POLR3F: variants seen among roughly 807,000 people sequenced by gnomAD.
POLR3F encodes the protein RNA polymerase III subunit F, also known as DNA-directed RNA polymerase III subunit RPC6.
In POLR3F, 31 loss-of-function variants were observed where a neutral mutation model predicts 43.6. That is an observed-to-expected ratio of 0.71 (90% CI 0.53 to 0.96). POLR3F has a LOEUF of 0.96. Among genes scored for constraint, POLR3F ranks in the 40% least tolerant of loss-of-function variants. The pLI is 0.00. For synonymous variants in POLR3F, 114 were observed against 132.5 expected (o/e 0.86, Z 0.96); for missense variants, 316 against 391.7 (o/e 0.81, Z 1.63).
intron 2 of POLR3F, among the ~76,000 whole-genome samples, chr20:18,469,865 C>G (rs1297626147): frequency 6.6e-6 from 1 of 152,164 alleles, no homozygotes; most frequent in Non-Finnish European, 1.5e-5. Flanking sequence ...TTCCACCCCC[C>G]GATTTTCCTA....
chr20:18,475,771 A>G (rs925239096), intron 5 of POLR3F, among the ~76,000 whole-genome samples: 7 of 152,206 alleles, frequency 4.6e-5, no homozygotes, highest in Non-Finnish European at 1.0e-4. Flanking sequence ...TATAATTCAA[A>G]TTTTATAATT....
intron 3 of POLR3F, 150 bp from the exon 4 acceptor site, chr20:18,473,241 G>A (rs1692743697): frequency 6.4e-6 from 3 of 469,112 alleles, no homozygotes; most frequent in Non-Finnish European, 1.2e-5. Context: ...GGTACACACA[G>A]CTCTGTCTCA....
At position 18,475,064 on chromosome 20, in the gene POLR3F, C is replaced by T. The variant is rs777248612; in HGVS notation, c.317-11C>T. ...CCAGAGTTCAACTTATTTTACTTTACTTTCTTATAGGAATATGGAGCAGAG... is the reference window on the plus strand; with the variant it reads ...CCAGAGTTCAACTTATTTTACTTTATTTTCTTATAGGAATATGGAGCAGAG... On this transcript the variant is annotated splice_polypyrimidine_tract_variant and intron_variant, in intron 4 of 8. Transcript: ENST00000377603. The T allele has an allele frequency of 8.9e-7, 1 of 1,125,356 alleles. No individual in the cohort carries two copies. The highest frequency in any genetic ancestry group is 1.3e-6 in the Non-Finnish European group (1 of 754,604). The allele number at this position is 1,125,356 out of a possible 1,614,324, so 69.7% of individuals were successfully genotyped here. A position where few individuals can be genotyped will look rare whatever the true frequency, so the allele number is the denominator to read the frequency against.
At chr20:18,482,015 T>C (rs2059813294) in intron 8 of POLR3F, among the ~76,000 whole-genome samples, 1 of 134,352 alleles carries the variant, frequency 7.4e-6, no homozygotes, top group Non-Finnish European at 1.5e-5. Flanking sequence ...TGAGACGGAG[T>C]CTCACTCTAT....
chr20:18,475,885 AT>A (rs1432177268), intron 5 of POLR3F, among the ~76,000 whole-genome samples: 5 of 152,364 alleles, frequency 3.3e-5, no homozygotes, highest in Admixed American at 1.3e-4. Flanking sequence ...AATTATAAGA[AT>A]TATAACATCA....
At chr20:18,470,057 G>A (rs1306808146) in intron 2 of POLR3F, among the ~76,000 whole-genome samples, 1 of 152,218 alleles carries the variant, frequency 6.6e-6, no homozygotes, top group Non-Finnish European at 1.5e-5. Context: ...CATCTGTCCA[G>A]AAACAAACAA....
chr20:18,483,919 T>A lies in POLR3F; in HGVS notation c.*361T>A, dbSNP rs1223667783. ...GGCTAGAGTATAAAAATGTTCTTTTTAAAGTTATTTATTAAGTTCTTCATT... is the reference window on the plus strand; with the variant it reads ...GGCTAGAGTATAAAAATGTTCTTTTAAAAGTTATTTATTAAGTTCTTCATT... On this transcript the variant is annotated 3_prime_UTR_variant, in exon 9 of 9. Transcript: ENST00000377603. 2.5e-6 allele frequency: 1 copy of A among 395,764 alleles called. No homozygotes were observed. Among genetic ancestry groups the A allele is most frequent in the Non-Finnish European group, 4.4e-6 (1 of 224,968 alleles). The allele number at this position is 395,764 out of a possible 1,614,324, so 24.5% of individuals were successfully genotyped here.
intron 8 of POLR3F, among the ~76,000 whole-genome samples, chr20:18,482,700 C>CT (rs2059817044): frequency 6.6e-6 from 1 of 152,220 alleles, no homozygotes; most frequent in African/African-American, 2.4e-5. Flanking sequence ...AAGCAAGAGA[C>CT]ACTGTCCCAG....
chr20:18,474,497 A>G (rs1373508997), intron 4 of POLR3F, among the ~76,000 whole-genome samples: 4 of 150,748 alleles, frequency 2.7e-5, no homozygotes, highest in Non-Finnish European at 4.4e-5. Flanking sequence ...TCCTTCCATT[A>G]TAAAAACGTC....
At chr20:18,474,125 C>A (rs550217191) in intron 4 of POLR3F, among the ~76,000 whole-genome samples, 1 of 151,684 alleles carries the variant, frequency 6.6e-6, no homozygotes, top group African/African-American at 2.4e-5. Flanking sequence ...TTTTTTTAAT[C>A]TTCCTATCTC....
chr20:18,482,461 G>A (rs775399480), intron 8 of POLR3F, among the ~76,000 whole-genome samples: 2 of 152,058 alleles, frequency 1.3e-5, no homozygotes, highest in South Asian at 2.1e-4. Flanking sequence ...TTCCATAGGC[G>A]GTCTCATTTA....
At position 18,473,397 on chromosome 20, in the gene POLR3F, G is replaced by T; in HGVS notation, c.255G>T (p.Met85Ile). ...TTACTTTATTCCACTACAGTAAAATGAAGGGATCCGATAACCAAGAAAAAC... is the reference window on the plus strand; with the variant it reads ...TTACTTTATTCCACTACAGTAAAATTAAGGGATCCGATAACCAAGAAAAAC... ...RIKDSQNAGK[M>I]KGSDNQEKLV... Residue 85 changes from methionine (M) to isoleucine (I), a missense_variant, in exon 4 of 9, where the codon ATG (methionine) becomes ATT (isoleucine). By Grantham distance (10) the Met-to-Ile change is conservative. This residue lies in a region of POLR3F where 122 missense variants were observed against 133.8 expected (regional missense o/e 0.91). Transcript: ENST00000377603. The T allele has an allele frequency of 7.5e-7, 1 of 1,340,450 alleles. No individual in the cohort carries two copies. The highest frequency in any genetic ancestry group is 1.2e-5 in the South Asian group (1 of 85,124). The allele number at this position is 1,340,450 out of a possible 1,614,324, so 83.0% of individuals were successfully genotyped here.
chr20:18,483,958 T>A lies in POLR3F; in HGVS notation c.*400T>A, dbSNP rs776365282. 168 of 397,184 alleles carry A rather than the reference T, an allele frequency of 4.2e-4. No homozygotes were observed. Among genetic ancestry groups the A allele is most frequent in the Middle Eastern group, 1.3e-3 (2 of 1,582 alleles). The allele number at this position is 397,184 out of a possible 1,614,324, so 24.6% of individuals were successfully genotyped here. ...AAGTTCTTCATTGGAAGTTTTTTTT[T>A]ATATCTGGTTCACTACCACCATTTT... On this transcript the variant is annotated 3_prime_UTR_variant, in exon 9 of 9. Transcript: ENST00000377603.
At chr20:18,471,110 G>T (rs2059747450) in intron 2 of POLR3F, among the ~76,000 whole-genome samples, 1 of 152,108 alleles carries the variant, frequency 6.6e-6, no homozygotes, top group South Asian at 2.1e-4. Context: ...TTATACTGGA[G>T]ATTCAAGTTC....
At chr20:18,474,345 G>C (rs1329769106) in intron 4 of POLR3F, among the ~76,000 whole-genome samples, 1 of 151,900 alleles carries the variant, frequency 6.6e-6, no homozygotes, top group Admixed American at 6.6e-5. Flanking sequence ...CTCATCTAAA[G>C]AGTGTTTTTG....
chr20:18,481,872 A>G (rs963844979), intron 8 of POLR3F, 62 bp downstream of exon 8: 1 of 1,048,908 alleles, frequency 9.5e-7, no homozygotes, highest in Non-Finnish European at 1.5e-6. Flanking sequence ...CACATTAAGA[A>G]ACAGAGCAAG....
chr20:18,472,970 GA>G, intron 3 of POLR3F, 61 bp downstream of exon 3: 1 of 775,586 alleles, frequency 1.3e-6, no homozygotes, highest in South Asian at 1.6e-5. Flanking sequence ...TATGTGTTGG[GA>G]ATAAAGCTAA....
At position 18,472,954 on chromosome 20, in the gene POLR3F, C is replaced by T. The variant is rs761216310; in HGVS notation, c.248+45C>T. 3 of 880,162 alleles carry T rather than the reference C, an allele frequency of 3.4e-6. No homozygotes were observed. In the South Asian group the frequency reaches 4.4e-5, roughly 13 times the overall value. The allele number at this position is 880,162 out of a possible 1,614,324, so 54.5% of individuals were successfully genotyped here. On this transcript the variant is annotated intron_variant, in intron 3 of 8. Transcript: ENST00000377603. ...ATTTTAAGAAAATGTTTATTATTTG[C>T]AAACGTATGTGTTGGGAATAAAGCT...
intron 8 of POLR3F, among the ~76,000 whole-genome samples, chr20:18,483,074 C>G (rs550691861): frequency 3.9e-5 from 6 of 151,968 alleles, no homozygotes; most frequent in Non-Finnish European, 7.4e-5. Context: ...CCCGCTCCCC[C>G]CTCGCCCCCC....
Sources: gnomAD v4.1 joint callset for allele counts (sites outside exome capture counted in the v4.1 genomes callset) on GRCh38, gnomAD v4.1.1 for gene constraint, gnomAD v4.1.1 regional missense constraint, MANE v1.5 for transcripts, NCBI Gene and HGNC (gene_info 2026-07-23, HGNC 2026-07-21) for gene names.